MGAT5: variants seen among roughly 807,000 people sequenced by gnomAD.
The protein encoded by MGAT5 is alpha-1,6-mannosylglycoprotein 6-beta-N-acetylglucosaminyltransferase.
A neutral mutation model predicts 94.3 loss-of-function variants in MGAT5; 30 were observed. That is an observed-to-expected ratio of 0.32 (90% CI 0.24 to 0.43). MGAT5 has a LOEUF of 0.43. Among genes scored for constraint, MGAT5 ranks in the 20% least tolerant of loss-of-function variants. The probability of loss-of-function intolerance (pLI) is 1.00; values close to 1 mark genes in which losing one functional copy is unlikely to be tolerated. For synonymous variants in MGAT5, 310 were observed against 322.9 expected (o/e 0.96, Z 0.43); for missense variants, 691 against 905.5 (o/e 0.76, Z 3.04).
chr2:134,233,479 G>A (rs1681474935), intron 1 of MGAT5, among the ~76,000 whole-genome samples: 1 of 151,982 alleles, frequency 6.6e-6, no homozygotes. Flanking sequence ...GACACTTGGT[G>A]CATTTTTTTT....
At chr2:134,263,165 C>A (rs1006637874) in intron 1 of MGAT5, among the ~76,000 whole-genome samples, 1 of 152,174 alleles carries the variant, frequency 6.6e-6, no homozygotes, top group African/African-American at 2.4e-5. Flanking sequence ...TAGGCTTGAC[C>A]TCTCAGCACT....
intron 5 of MGAT5, among the ~76,000 whole-genome samples, chr2:134,337,521 A>G (rs1190508069): frequency 6.6e-6 from 1 of 152,166 alleles, no homozygotes; most frequent in African/African-American, 2.4e-5. Flanking sequence ...AGAATGAGCT[A>G]TGGTGATTAC....
At chr2:134,208,139 G>A (rs1680108909) in intron 1 of MGAT5, among the ~76,000 whole-genome samples, 3 of 151,434 alleles carry the variant, frequency 2.0e-5, no homozygotes, top group Admixed American at 2.0e-4. Flanking sequence ...ACTCTTGGCC[G>A]AACTTTTTTT....
At chr2:134,335,580 G>C (rs1254386618) in intron 4 of MGAT5, among the ~76,000 whole-genome samples, 1 of 151,148 alleles carries the variant, frequency 6.6e-6, no homozygotes, top group East Asian at 1.9e-4. Flanking sequence ...CCATCTTCCA[G>C]ATTGGCTCTC....
At chr2:134,323,853 G>T (rs564257622) in intron 4 of MGAT5, among the ~76,000 whole-genome samples, 5 of 152,070 alleles carry the variant, frequency 3.3e-5, no homozygotes, top group Admixed American at 1.3e-4. Context: ...GATTCATTAG[G>T]CAGCCTTGTA....
intron 1 of MGAT5, among the ~76,000 whole-genome samples, chr2:134,168,517 C>T (rs976239380): frequency 6.6e-6 from 1 of 152,174 alleles, no homozygotes; most frequent in African/African-American, 2.4e-5. Flanking sequence ...AAAGACCAAC[C>T]TAGATCTATG....
At position 134,418,546 on chromosome 2, in the gene MGAT5, A is replaced by G. The variant is rs570442014; in HGVS notation, c.1678-4257A>G. On this transcript the variant is annotated intron_variant, in intron 12 of 15. Transcript: ENST00000281923. Reference sequence around the variant, plus strand: ...GTTGCTGCACTGGGAGAATTCATCAATGTACATTTCCTGTTTTCCAGGAGC... The same window carrying G: ...GTTGCTGCACTGGGAGAATTCATCAGTGTACATTTCCTGTTTTCCAGGAGC... Among the ~76,000 whole-genome samples the G allele has an allele frequency of 8.5e-5, 13 of 152,324 alleles. No homozygotes were observed. In the South Asian group the frequency reaches 1.4e-3, roughly 17 times the overall value.
intron 14 of MGAT5, among the ~76,000 whole-genome samples, chr2:134,429,077 C>T (rs541096066): frequency 5.3e-5 from 8 of 152,238 alleles, no homozygotes; most frequent in South Asian, 2.1e-4. Context: ...TAGAAATAGA[C>T]GGACTCAGAA....
Position 134,381,391 on chromosome 2 carries a change from TAGA to T in MGAT5, c.1380+18984_1380+18986del, listed in dbSNP as rs756794023. Among the ~76,000 whole-genome samples the T allele has an allele frequency of 8.4e-3, 665 of 79,552 alleles. 3 individuals carry two copies. Among genetic ancestry groups the T allele is most frequent in the East Asian group, 0.017 (38 of 2,178 alleles). The allele number at this position is 79,552 out of a possible 152,430, so 52.2% of individuals were successfully genotyped here. Reference sequence around the variant, plus strand: ...GATAAGATAAGATAGATTAGATAGATAGATAGATAGATAGATAGATAGATAGAT... The same window carrying T: ...GATAAGATAAGATAGATTAGATAGATTAGATAGATAGATAGATAGATAGAT... On this transcript the variant is annotated intron_variant, in intron 10 of 15. Transcript: ENST00000281923.
intron 1 of MGAT5, among the ~76,000 whole-genome samples, chr2:134,172,447 C>T (rs1288216490): frequency 1.3e-5 from 2 of 151,964 alleles, no homozygotes; most frequent in African/African-American, 2.4e-5. Context: ...AGTGCAGTGG[C>T]ACGATCTCAG....
intron 1 of MGAT5, among the ~76,000 whole-genome samples, chr2:134,122,722 T>C (rs187388686): frequency 7.7e-4 from 118 of 152,358 alleles, no homozygotes; most frequent in Non-Finnish European, 1.2e-3. Context: ...TTCTTCACTC[T>C]GGGACACTCG....
chr2:134,387,522 G>A (rs966717941), intron 10 of MGAT5, among the ~76,000 whole-genome samples: 3 of 151,192 alleles, frequency 2.0e-5, no homozygotes, highest in Admixed American at 1.3e-4. Flanking sequence ...ACCTAAGATC[G>A]TTGTAAGGAT....
chr2:134,249,041 G>A lies in MGAT5; in HGVS notation c.-142-5221G>A, dbSNP rs980435642. 2.0e-5 allele frequency among the ~76,000 whole-genome samples: 3 copies of A among 151,972 alleles called. 1 individual carries two copies. The highest frequency in any genetic ancestry group is 7.3e-5 in the African/African-American group (3 of 41,362). On this transcript the variant is annotated intron_variant, in intron 1 of 16. Coordinates refer to the MGAT5 transcript ENST00000409645. Reference sequence around the variant, plus strand: ...GGTTGATCCAGAGGTTATAAGAGCGGTCATATGTGGTGAACTGGAAGTAGA... The same window carrying A: ...GGTTGATCCAGAGGTTATAAGAGCGATCATATGTGGTGAACTGGAAGTAGA...
intron 2 of MGAT5, among the ~76,000 whole-genome samples, chr2:134,306,175 A>G (rs751287128): frequency 9.2e-5 from 14 of 152,182 alleles, no homozygotes; most frequent in Non-Finnish European, 1.6e-4. Flanking sequence ...TATCCTTTAC[A>G]TCATTACTTA....
intron 1 of MGAT5, among the ~76,000 whole-genome samples, chr2:134,232,100 C>T (rs568758771): frequency 6.6e-4 from 99 of 150,738 alleles, no homozygotes; most frequent in Admixed American, 1.5e-3. Flanking sequence ...TCCTCCTCCT[C>T]GTCTTCCCTC....
At chr2:134,376,392 C>T (rs1444535136) in intron 10 of MGAT5, among the ~76,000 whole-genome samples, 2 of 152,158 alleles carry the variant, frequency 1.3e-5, no homozygotes, top group African/African-American at 4.8e-5. Context: ...TGGAGATACA[C>T]ACAATTTGTC....
At chr2:134,340,692 A>T (rs922982755) in intron 6 of MGAT5, among the ~76,000 whole-genome samples, 2 of 152,154 alleles carry the variant, frequency 1.3e-5, no homozygotes, top group African/African-American at 2.4e-5. Flanking sequence ...TTCTCTTTAT[A>T]GAGAGGTATT....
Position 134,452,345 on chromosome 2 carries a change from C to T in MGAT5, c.*3498C>T, listed in dbSNP as rs535583963. The T allele has an allele frequency of 6.6e-6, 1 of 152,294 alleles. No individual in the cohort carries two copies. Among genetic ancestry groups the T allele is most frequent in the African/African-American group, 2.4e-5 (1 of 41,542 alleles). The allele number at this position is 152,294 out of a possible 1,614,324, so 9.4% of individuals were successfully genotyped here. A position where few individuals can be genotyped will look rare whatever the true frequency, so the allele number is the denominator to read the frequency against. On this transcript the variant is annotated 3_prime_UTR_variant, in exon 16 of 16. Coordinates refer to ENST00000281923, the MANE Select transcript of MGAT5 (RefSeq NM_002410.5). ...TGCTGAGGTGTGGCTGAGGCAGAAT[C>T]ATGTGAATGGGTGCATCCAAGGAGT...
chr2:134,307,543 A>T (rs1346903970), intron 2 of MGAT5, among the ~76,000 whole-genome samples: 1 of 152,050 alleles, frequency 6.6e-6, no homozygotes, highest in Non-Finnish European at 1.5e-5. Context: ...TCCTGCTGTG[A>T]TAACAGTGAT....
Sources: gnomAD v4.1 joint callset for allele counts (sites outside exome capture counted in the v4.1 genomes callset) on GRCh38, gnomAD v4.1.1 for gene constraint, MANE v1.5 for transcripts, NCBI Gene and HGNC (gene_info 2026-07-23, HGNC 2026-07-21) for gene names.